The following DOCK4 variants were observed in gnomAD, a reference collection of about 807,000 sequenced individuals.
DOCK4 encodes the protein dedicator of cytokinesis 4.
DOCK4 carries 97 observed loss-of-function variants against 268.1 expected under a neutral mutation model. The observed-to-expected ratio is 0.36, with a 90% confidence interval of 0.31 to 0.43. The LOEUF is 0.43. Among genes scored for constraint, DOCK4 ranks in the 20% least tolerant of loss-of-function variants. The pLI is 1.00. For synonymous variants in DOCK4, 954 were observed against 887.2 expected (o/e 1.08, Z -1.34); for missense variants, 2,145 against 2,455.7 (o/e 0.87, Z 2.67).
At chr7:111,798,179 C>G (rs745348170) in intron 30 of DOCK4, among the ~76,000 whole-genome samples, 2 of 152,174 alleles carry the variant, frequency 1.3e-5, no homozygotes, top group Non-Finnish European at 2.9e-5. Flanking sequence ...CAACCCTGTC[C>G]AGCCTGTGGC....
At chr7:111,969,449 C>CA (rs980549026) in intron 8 of DOCK4, among the ~76,000 whole-genome samples, 3 of 140,664 alleles carry the variant, frequency 2.1e-5, no homozygotes, top group Admixed American at 1.4e-4. Flanking sequence ...AACAAAAAAA[C>CA]AAAAAAACAG....
At chr7:111,773,998 C>T (rs1054719228) in intron 36 of DOCK4, among the ~76,000 whole-genome samples, 5 of 151,614 alleles carry the variant, frequency 3.3e-5, no homozygotes, top group Non-Finnish European at 7.4e-5. Context: ...GCCTGGGTGA[C>T]AGAGTCAAAC....
intron 1 of DOCK4, among the ~76,000 whole-genome samples, chr7:112,088,078 G>A (rs1264155397): frequency 6.6e-6 from 1 of 152,064 alleles, no homozygotes; most frequent in Non-Finnish European, 1.5e-5. Flanking sequence ...GTGGGATCGT[G>A]GGACAAGGTC....
chr7:111,808,612 A>T, intron 30 of DOCK4: 2 of 487,914 alleles, frequency 4.1e-6, no homozygotes, highest in Non-Finnish European at 7.3e-6. Flanking sequence ...AAACACACAA[A>T]GGTAAGGTGA....
intron 25 of DOCK4, among the ~76,000 whole-genome samples, chr7:111,843,553 C>A (rs1423366552): frequency 6.6e-6 from 1 of 151,980 alleles, no homozygotes; most frequent in Non-Finnish European, 1.5e-5. Context: ...GCTCTCCACT[C>A]CAAAAAAACG....
At chr7:112,018,978 T>A (rs1802095279) in intron 1 of DOCK4, among the ~76,000 whole-genome samples, 1 of 152,176 alleles carries the variant, frequency 6.6e-6, no homozygotes, top group African/African-American at 2.4e-5. Flanking sequence ...CAGAGGTGAC[T>A]TGGTCTGTCC....
At chr7:111,871,267 C>T (rs144310888) in intron 20 of DOCK4, among the ~76,000 whole-genome samples, 217 of 152,254 alleles carry the variant, frequency 1.4e-3, no homozygotes, top group African/African-American at 4.5e-3. Flanking sequence ...GGGAGACAGA[C>T]GATGGGGTAC....
At chr7:111,751,903 A>G (rs1257819374) in intron 42 of DOCK4, among the ~76,000 whole-genome samples, 5 of 152,054 alleles carry the variant, frequency 3.3e-5, no homozygotes, top group Non-Finnish European at 7.4e-5. Flanking sequence ...AGGACTGCAG[A>G]CATATGCCAC....
chr7:111,865,202 T>C (rs913125275), intron 22 of DOCK4, among the ~76,000 whole-genome samples: 5 of 152,212 alleles, frequency 3.3e-5, no homozygotes, highest in African/African-American at 1.2e-4. Context: ...CAGGTGTGTG[T>C]CCATGAAATA....
chr7:111,857,696 C>G lies in DOCK4; in HGVS notation c.2473+5676G>C, dbSNP rs139150956. Reference sequence around the variant, plus strand: ...TGTAAAACCCACAGCTCTAGCAGATCTGACCTCGCGAAGTCCGGCAGACCC... The same window carrying G: ...TGTAAAACCCACAGCTCTAGCAGATGTGACCTCGCGAAGTCCGGCAGACCC... On this transcript the variant is annotated intron_variant, in intron 23 of 52. Coordinates refer to ENST00000428084, the MANE Select transcript of DOCK4 (RefSeq NM_001363540.2). Among the ~76,000 whole-genome samples the G allele has an allele frequency of 2.6e-5, 4 of 152,314 alleles. No homozygotes were observed. In the East Asian group the frequency reaches 7.7e-4, roughly 29 times the overall value.
intron 4 of DOCK4, among the ~76,000 whole-genome samples, chr7:111,996,596 A>G (rs902469690): frequency 6.6e-6 from 1 of 152,194 alleles, no homozygotes; most frequent in African/African-American, 2.4e-5. Context: ...CTAGGGTCTG[A>G]GTCAATTCCA....
rs555144077 is a variant in DOCK4, at chr7:112,097,946, A to G, written c.38-93815T>C. ...CAATCTGTTATATAACCAGAGCTTT[A>G]CAGTGGTATATACAAATAGTACAGT... On this transcript the variant is annotated intron_variant, in intron 1 of 52. Coordinates refer to ENST00000428084, the MANE Select transcript of DOCK4 (RefSeq NM_001363540.2). Among the ~76,000 whole-genome samples the G allele has an allele frequency of 2.6e-5, 4 of 152,304 alleles. No homozygotes were observed. In the South Asian group the frequency reaches 8.3e-4, roughly 32 times the overall value.
intron 23 of DOCK4, among the ~76,000 whole-genome samples, chr7:111,860,235 A>G (rs920763951): frequency 6.6e-6 from 1 of 152,218 alleles, no homozygotes; most frequent in Non-Finnish European, 1.5e-5. Flanking sequence ...TTAGAATGCC[A>G]AAGTCACTAG....
intron 6 of DOCK4, among the ~76,000 whole-genome samples, chr7:111,985,671 T>A (rs912718630): frequency 1.3e-5 from 2 of 152,208 alleles, no homozygotes; most frequent in Admixed American, 1.3e-4. Flanking sequence ...AAACAGTTTC[T>A]CAATTTTCCT....
chr7:112,129,967 G>A (rs998166728), intron 1 of DOCK4, among the ~76,000 whole-genome samples: 1 of 152,178 alleles, frequency 6.6e-6, no homozygotes, highest in Admixed American at 6.5e-5. Flanking sequence ...TTTCAGTAAA[G>A]CCATTCCCCC....
In DOCK4 at chr7:111,824,023, A is replaced by G. The variant is rs571756920; in HGVS notation, c.2836-1567T>C. On this transcript the variant is annotated intron_variant, in intron 26 of 52. Coordinates refer to ENST00000428084, the MANE Select transcript of DOCK4 (RefSeq NM_001363540.2). ...CTTTGGCATCAACACACATATGTTG[A>G]TATGTAGTATGCGCCATGTGGAAAC... 3.9e-5 allele frequency among the ~76,000 whole-genome samples: 6 copies of G among 152,332 alleles called. No homozygotes were observed. In the East Asian group the frequency reaches 9.7e-4, roughly 25 times the overall value.
chr7:111,997,745 C>T (rs911773991), intron 4 of DOCK4, among the ~76,000 whole-genome samples: 1 of 152,152 alleles, frequency 6.6e-6, no homozygotes, highest in Admixed American at 6.5e-5. Context: ...GTCCTTGTGA[C>T]ACTGACACCA....
intron 31 of DOCK4, 121 bp from the exon 32 acceptor site, chr7:111,788,868 T>C (rs2133795050): frequency 1.2e-6 from 1 of 849,678 alleles, no homozygotes; most frequent in South Asian, 1.5e-5. Context: ...AAAGTGACAT[T>C]ATCAGCTACG....
Position 111,768,226 on chromosome 7 carries a change from C to A in DOCK4, c.3829-1108G>T, listed in dbSNP as rs1046476892. Among the ~76,000 whole-genome samples the A allele has an allele frequency of 2.6e-5, 4 of 152,122 alleles. No homozygotes were observed. The South Asian group carries it at 6.2e-4, about 24-fold the overall frequency. ...TTGACCTGTGGACCATAGTTTGCAA[C>A]CCCTGATCTAGCACAGACTCCCGGG... On this transcript the variant is annotated intron_variant, in intron 37 of 52. Coordinates refer to ENST00000428084, the MANE Select transcript of DOCK4 (RefSeq NM_001363540.2).
Sources: gnomAD v4.1 joint callset for allele counts (sites outside exome capture counted in the v4.1 genomes callset) on GRCh38, gnomAD v4.1.1 for gene constraint, MANE v1.5 for transcripts, NCBI Gene and HGNC (gene_info 2026-07-23, HGNC 2026-07-21) for gene names.